Variants in WIF1 observed in about 807,000 individuals in gnomAD.
WIF1 encodes the protein Wnt inhibitory factor 1.
Under a neutral mutation model 53.5 loss-of-function variants are expected in WIF1, and 35 were observed. The observed-to-expected ratio is 0.65, with a 90% confidence interval of 0.50 to 0.87. The LOEUF is 0.87. WIF1 is among the 40% of genes least tolerant of loss of function. The probability of loss-of-function intolerance (pLI) is 0.00; values close to 1 mark genes in which losing one functional copy is unlikely to be tolerated. For missense variants in WIF1, 467 were observed against 476.8 expected (o/e 0.98, Z 0.19); for synonymous variants, 171 against 170.4 (o/e 1.00, Z -0.03).
intron 2 of WIF1, among the ~76,000 whole-genome samples, chr12:65,081,293 C>A (rs575804960): frequency 6.6e-6 from 1 of 152,090 alleles, no homozygotes; most frequent in East Asian, 1.9e-4. Context: ...CTTGAAAGTG[C>A]AGCAATTTGC....
rs565786409 is a variant in WIF1 at position 65,066,267 on chromosome 12, A to C, written c.730+374T>G. ...GGTAAATTCTGGGCCAGGGCTTTTA[A>C]ATTTTTTAATTAATTAATTTATTTT... On this transcript the variant is annotated intron_variant, in intron 6 of 9. Coordinates refer to ENST00000286574, the MANE Select transcript of WIF1 (RefSeq NM_007191.5). Among the ~76,000 whole-genome samples, 17 of 152,196 alleles carry C rather than the reference A, an allele frequency of 1.1e-4. No individual in the cohort carries two copies. The East Asian group carries it at 2.9e-3, about 26-fold the overall frequency.
chr12:65,089,371 T>C (rs1199785892), intron 2 of WIF1, among the ~76,000 whole-genome samples: 2 of 152,136 alleles, frequency 1.3e-5, no homozygotes, highest in Non-Finnish European at 2.9e-5. Context: ...TGACCAAAAT[T>C]CAGACATTTC....
intron 3 of WIF1, among the ~76,000 whole-genome samples, chr12:65,069,609 T>C (rs146867796): frequency 2.0e-5 from 3 of 152,146 alleles, no homozygotes; most frequent in Admixed American, 6.5e-5. Context: ...ATGAATAGGG[T>C]TATATCTAAT....
At chr12:65,085,489 G>A (rs180791905) in intron 2 of WIF1, among the ~76,000 whole-genome samples, 63 of 152,290 alleles carry the variant, frequency 4.1e-4, no homozygotes, top group African/African-American at 1.3e-3. Flanking sequence ...GATTAGGAAT[G>A]CTCAACCTAT....
At chr12:65,077,624 A>C (rs1185862641) in intron 3 of WIF1, 122 bp downstream of exon 3, 4 of 707,298 alleles carry the variant, frequency 5.7e-6, no homozygotes, top group Non-Finnish European at 9.5e-6. Flanking sequence ...CTGTCCTAAA[A>C]TCAACAGATG....
intron 2 of WIF1, among the ~76,000 whole-genome samples, chr12:65,118,232 C>T (rs1264223886): frequency 6.6e-6 from 1 of 152,070 alleles, no homozygotes; most frequent in African/African-American, 2.4e-5. Context: ...TTTTCATTTT[C>T]CATGTAAATG....
intron 6 of WIF1, 33 bp from the exon 7 acceptor site, chr12:65,062,609 G>C (rs371262731): frequency 8.3e-6 from 13 of 1,565,402 alleles, no homozygotes; most frequent in Non-Finnish European, 1.1e-5. Context: ...TGTTGCATTA[G>C]ACAGTAGGTT....
chr12:65,060,027 A>C (rs968528062), intron 7 of WIF1, among the ~76,000 whole-genome samples: 1 of 151,900 alleles, frequency 6.6e-6, no homozygotes, highest in East Asian at 1.9e-4. Flanking sequence ...TTCATTTAAA[A>C]AAAAAACAAA....
chr12:65,055,475 C>T (rs1592385916), intron 8 of WIF1, among the ~76,000 whole-genome samples: 1 of 152,154 alleles, frequency 6.6e-6, no homozygotes, highest in East Asian at 1.9e-4. Context: ...GTTTATTTTC[C>T]TTAAGAAAAC....
At chr12:65,095,612 C>G (rs1389231803) in intron 2 of WIF1, 1 of 151,990 alleles carries the variant, frequency 6.6e-6, no homozygotes, top group African/African-American at 2.4e-5. Flanking sequence ...ACCAGTAACA[C>G]CAAAGGGGAA....
rs1159055862 is a variant in WIF1, at chr12:65,062,631, A to G, written c.731-55T>C. The G allele has an allele frequency of 4.0e-6, 6 of 1,494,760 alleles. No individual in the cohort carries two copies. The African/African-American group carries it at 8.3e-5, about 21-fold the overall frequency. The allele number at this position is 1,494,760 out of a possible 1,614,324, so 92.6% of individuals were successfully genotyped here. On this transcript the variant is annotated intron_variant, in intron 6 of 9. Coordinates refer to ENST00000286574, the MANE Select transcript of WIF1 (RefSeq NM_007191.5). The stretch of plus-strand genomic sequence containing the variant: ...TTAGACAGTAGGTTAAATCTAACAC[A>G]AATTTCACTTAAAGTGAGGTGCTAT...
At chr12:65,103,928 AGTGGTGCATACCTCTG>A (rs540742662) in intron 2 of WIF1, among the ~76,000 whole-genome samples, 115 of 152,202 alleles carry the variant, frequency 7.6e-4, no homozygotes, top group African/African-American at 2.4e-3. Context: ...AGCCAGGCAC[AGTGGTGCATACCTCTG>A]GTCCCAGCTA....
intron 2 of WIF1, among the ~76,000 whole-genome samples, chr12:65,112,184 C>T (rs1411338160): frequency 1.3e-5 from 2 of 152,118 alleles, no homozygotes; most frequent in Admixed American, 6.5e-5. Flanking sequence ...CACTTGCCAA[C>T]TTTAATTTCT....
chr12:65,074,471 CCAAAA>C (rs547658659), intron 3 of WIF1, among the ~76,000 whole-genome samples: 3 of 151,622 alleles, frequency 2.0e-5, no homozygotes, highest in African/African-American at 2.4e-5. Context: ...CTGACTGCTT[CCAAAA>C]CAAAACAAAA....
intron 3 of WIF1, 148 bp downstream of exon 3, chr12:65,077,598 A>G: frequency 3.3e-6 from 2 of 608,552 alleles, no homozygotes; most frequent in Non-Finnish European, 5.7e-6. Context: ...CCTTTGCCCA[A>G]AGAATAACAG....
At chr12:65,052,191 TA>T (rs1882451222) in intron 9 of WIF1, among the ~76,000 whole-genome samples, 2 of 152,248 alleles carry the variant, frequency 1.3e-5, no homozygotes, top group Non-Finnish European at 1.5e-5. Context: ...AATTACATTG[TA>T]AAAATCTGCC....
rs1276396065 is a variant in WIF1, at chr12:65,058,057, A to G, written c.827-1931T>C. ...CAAGTATGAAAACAAACTTAATAAC[A>G]GAATATCACCTCTTCATTGACCAAA... On this transcript the variant is annotated intron_variant, in intron 7 of 9. Transcript: ENST00000286574. Among the ~76,000 whole-genome samples the G allele has an allele frequency of 2.0e-5, 3 of 150,672 alleles. No individual in the cohort carries two copies. The East Asian group carries it at 6.0e-4, about 30-fold the overall frequency.
intron 2 of WIF1, among the ~76,000 whole-genome samples, chr12:65,094,315 C>CG (rs1210617818): frequency 6.6e-6 from 1 of 151,984 alleles, no homozygotes; most frequent in Non-Finnish European, 1.5e-5. Flanking sequence ...AAAAATATAT[C>CG]GGGGGGAAAA....
At chr12:65,055,810 T>G (rs1473323930) in intron 8 of WIF1, among the ~76,000 whole-genome samples, 3 of 152,138 alleles carry the variant, frequency 2.0e-5, no homozygotes, top group Non-Finnish European at 2.9e-5. Context: ...GAAACCACCT[T>G]GTAGTTAAAA....
Sources: allele counts gnomAD v4.1 joint callset (sites outside exome capture counted in the v4.1 genomes callset), GRCh38; gene constraint gnomAD v4.1.1; transcripts MANE v1.5; gene names NCBI Gene and HGNC (gene_info 2026-07-23, HGNC 2026-07-21).